TNPO3: variants seen among roughly 807,000 people sequenced by gnomAD.
TNPO3 encodes transportin-3.
In TNPO3, 65 loss-of-function variants were observed where a neutral mutation model predicts 122.8. That is an observed-to-expected ratio of 0.53 (90% CI 0.43 to 0.65). The LOEUF is 0.65. Among genes scored for constraint, TNPO3 ranks in the 30% least tolerant of loss-of-function variants. TNPO3 has a pLI of 0.00. For missense variants in TNPO3, 850 were observed against 1,136.7 expected, an observed-to-expected ratio of 0.75 and a Z score of 3.63; for synonymous variants, 372 against 411.2, an observed-to-expected ratio of 0.90 and a Z score of 1.15.
chr7:128,955,561 C>T (rs756207867), intron 22 of TNPO3, among the ~76,000 whole-genome samples, 176 bp from the exon 23 acceptor site: 2 of 152,108 alleles, frequency 1.3e-5, no homozygotes, highest in East Asian at 1.9e-4. Context: ...CTTGTGGGTT[C>T]AAGGGAGCTA....
intron 11 of TNPO3, among the ~76,000 whole-genome samples, chr7:128,989,747 T>C (rs540321542): frequency 6.6e-6 from 1 of 152,364 alleles, no homozygotes; most frequent in South Asian, 2.1e-4. Flanking sequence ...TTTCCCTATC[T>C]GTAGATCTAA....
rs1798704836 is a variant in TNPO3 at position 128,973,554 on chromosome 7, G to A, written c.2274-972C>T. Among the ~76,000 whole-genome samples, 5 of 151,470 alleles carry A rather than the reference G, an allele frequency of 3.3e-5. No individual in the cohort carries two copies. The South Asian group carries it at 1.0e-3, about 32-fold the overall frequency. On this transcript the variant is annotated intron_variant, in intron 18 of 22. Transcript: ENST00000265388. Reference sequence around the variant, plus strand: ...GATCGAGACCATCCTGGCTAACACAGTGAAACCCCGTCTCTACTAAAAATA... The same window carrying A: ...GATCGAGACCATCCTGGCTAACACAATGAAACCCCGTCTCTACTAAAAATA...
intron 8 of TNPO3, among the ~76,000 whole-genome samples, chr7:128,994,423 G>C (rs1051612070): frequency 2.0e-5 from 3 of 151,962 alleles, no homozygotes. Flanking sequence ...CTCCCAAAGT[G>C]TTAGCCACCG....
intron 8 of TNPO3, among the ~76,000 whole-genome samples, chr7:128,994,196 C>T (rs1187982542): frequency 2.0e-5 from 3 of 152,034 alleles, no homozygotes; most frequent in East Asian, 1.9e-4. Context: ...CTCACTCTGT[C>T]GCCCAGGCTG....
At chr7:129,029,075 C>T (rs1175472123) in intron 1 of TNPO3, 1 of 274,610 alleles carries the variant, frequency 3.6e-6, no homozygotes, top group African/African-American at 2.3e-5. Flanking sequence ...AGCTCTTCCT[C>T]ATGTCACCCC....
chr7:128,978,141 C>T (rs577491256), intron 16 of TNPO3, among the ~76,000 whole-genome samples: 1 of 152,356 alleles, frequency 6.6e-6, no homozygotes, highest in African/African-American at 2.4e-5. Context: ...CATCCTGGCC[C>T]TGCTCTAAGG....
At chr7:129,037,029 T>C (rs1404277585) in intron 1 of TNPO3, among the ~76,000 whole-genome samples, 1 of 152,040 alleles carries the variant, frequency 6.6e-6, no homozygotes, top group Non-Finnish European at 1.5e-5. Flanking sequence ...AAGACACATA[T>C]AATTGAAATC....
chr7:129,012,000 TTTC>T (rs1803257425), intron 4 of TNPO3, among the ~76,000 whole-genome samples: 1 of 139,202 alleles, frequency 7.2e-6, no homozygotes, highest in African/African-American at 2.6e-5. Flanking sequence ...TTTCTTTTTC[TTTC>T]TTTTTTTTTT....
rs1378499564 is a variant in TNPO3, at chr7:129,048,643, T to TA, written c.120+6007dup. 1.1e-3 allele frequency among the ~76,000 whole-genome samples: 151 copies of TA among 138,560 alleles called. 2 individuals are homozygous for TA. Among genetic ancestry groups the TA allele is most frequent in the Middle Eastern group, 3.5e-3 (1 of 284 alleles). 90.9% of individuals were successfully genotyped at this position (138,560 alleles called of 152,430 possible). On this transcript the variant is annotated intron_variant, in intron 1 of 22. Transcript: ENST00000265388. Reference sequence around the variant, plus strand: ...CAACATATACATCTCATAAAGGATTTAAAAAAAAAAAAGAAAGAAAAAAAA... The same window carrying TA: ...CAACATATACATCTCATAAAGGATTTAAAAAAAAAAAAAGAAAGAAAAAAAA...
intron 8 of TNPO3, among the ~76,000 whole-genome samples, chr7:128,996,937 G>T (rs1391337699): frequency 1.3e-5 from 2 of 151,548 alleles, no homozygotes; most frequent in African/African-American, 4.8e-5. Context: ...ATAACATTTT[G>T]TATATAAAAT....
In TNPO3 at chr7:128,967,304, G is replaced by C; in HGVS notation, c.2687C>G (p.Thr896Arg). The change falls in exon 21 of 23, where the codon ACA becomes AGA. Residue 896 changes from threonine (T) to arginine (R), a missense_variant. Physicochemically the swap from Thr to Arg is moderately conservative, Grantham distance 71. Transcript: ENST00000265388. ...CCTAGTGACTTGCTTGTGGAAGTCTGTAAGTTGTTTGTGTGTCACTGTGAC... is the reference window on the plus strand; with the variant it reads ...CCTAGTGACTTGCTTGTGGAAGTCTCTAAGTTGTTTGTGTGTCACTGTGAC... ...GAVTVTHKQL[T>R]DFHKQVTSAE... The C allele has an allele frequency of 6.2e-7, 1 of 1,613,386 alleles. No individual in the cohort carries two copies. The highest frequency in any genetic ancestry group is 1.1e-5 in the South Asian group (1 of 91,066).
chr7:128,970,778 C>T (rs965860600), intron 19 of TNPO3: 3 of 153,764 alleles, frequency 2.0e-5, no homozygotes, highest in East Asian at 1.9e-4. Flanking sequence ...ACTCCAAAGG[C>T]GCAGGTAGGG....
At chr7:128,997,620 A>G in intron 7 of TNPO3, 85 bp from the exon 8 acceptor site, 1 of 1,160,198 alleles carries the variant, frequency 8.6e-7, no homozygotes, top group Non-Finnish European at 1.2e-6. Context: ...CCATATAGGA[A>G]GAAAGATATA....
chr7:129,045,420 TG>T (rs1484299758), intron 1 of TNPO3, among the ~76,000 whole-genome samples: 1 of 150,948 alleles, frequency 6.6e-6, no homozygotes, highest in East Asian at 2.0e-4. Flanking sequence ...AGCTTGAGCC[TG>T]GGAGTTTAAG....
chr7:128,961,601 A>G (rs1488179785), intron 21 of TNPO3, among the ~76,000 whole-genome samples: 2 of 151,968 alleles, frequency 1.3e-5, no homozygotes, highest in African/African-American at 4.8e-5. Context: ...TTAGCTTTCT[A>G]TTTATTTACT....
chr7:129,042,602 T>C (rs1807518655), intron 1 of TNPO3, among the ~76,000 whole-genome samples: 1 of 152,150 alleles, frequency 6.6e-6, no homozygotes, highest in Non-Finnish European at 1.5e-5. Context: ...TTTATGAGAA[T>C]TTTACAAAAC....
chr7:128,979,633 G>A (rs1013079858), intron 15 of TNPO3, among the ~76,000 whole-genome samples: 2 of 152,092 alleles, frequency 1.3e-5, no homozygotes, highest in Non-Finnish European at 2.9e-5. Context: ...AAAAGTAGAG[G>A]GGAAGTATGT....
chr7:129,031,179 G>T (rs1191752931), intron 1 of TNPO3, among the ~76,000 whole-genome samples: 1 of 151,938 alleles, frequency 6.6e-6, no homozygotes, highest in Non-Finnish European at 1.5e-5. Flanking sequence ...GCTGCCTGTA[G>T]TCCCAGCTAC....
At chr7:129,000,938 A>G in intron 6 of TNPO3, 121 bp downstream of exon 6, 2 of 1,172,948 alleles carry the variant, frequency 1.7e-6, no homozygotes, top group Non-Finnish European at 2.4e-6. Flanking sequence ...TTTAGGAAGC[A>G]CTATCTGTAC....
Sources: allele counts gnomAD v4.1 joint callset (sites outside exome capture counted in the v4.1 genomes callset), GRCh38; gene constraint gnomAD v4.1.1; transcripts MANE v1.5; gene names NCBI Gene and HGNC (gene_info 2026-07-23, HGNC 2026-07-21).